APCDD1L: variants seen among roughly 807,000 people sequenced by gnomAD.
APCDD1L encodes the protein APC down-regulated 1 like.
In APCDD1L, 21 loss-of-function variants were observed where a neutral mutation model predicts 24.2. The ratio of observed to expected loss-of-function variants is 0.87; its 90% CI spans 0.61 to 1.25. The LOEUF (loss-of-function observed/expected upper bound fraction) is 1.25. Among genes scored for constraint, APCDD1L ranks in the 50% most tolerant of loss-of-function variants. The pLI is 0.00. For missense variants in APCDD1L, 704 were observed against 711.7 expected (o/e 0.99, Z 0.12); for synonymous variants, 321 against 323.6 (o/e 0.99, Z 0.09).
intron 1 of APCDD1L, among the ~76,000 whole-genome samples, chr20:58,490,935 A>G (rs1010711950): frequency 1.3e-5 from 2 of 152,252 alleles, no homozygotes; most frequent in Non-Finnish European, 2.9e-5. Flanking sequence ...ATAACACATT[A>G]TGTCCATGTT....
chr20:58,464,846 T>G (rs1476700443), intron 3 of APCDD1L, among the ~76,000 whole-genome samples: 2 of 112,252 alleles, frequency 1.8e-5, no homozygotes, highest in East Asian at 2.8e-4. Context: ...TATCTGTCTT[T>G]TCTTTCTTTC....
intron 1 of APCDD1L, among the ~76,000 whole-genome samples, chr20:58,513,335 G>T (rs1600887606): frequency 1.3e-5 from 2 of 152,146 alleles, no homozygotes; most frequent in African/African-American, 4.8e-5. Context: ...TCATGCTGAT[G>T]ATCAACTAAC....
At chr20:58,469,316 T>C (rs1301043684) in intron 2 of APCDD1L, among the ~76,000 whole-genome samples, 2 of 149,398 alleles carry the variant, frequency 1.3e-5, no homozygotes, top group Non-Finnish European at 3.0e-5. Flanking sequence ...TACTTAAAAA[T>C]AGGGAGGGGT....
Position 58,461,146 on chromosome 20 carries a change from C to T in APCDD1L, c.1150G>A (p.Ala384Thr). 6.2e-7 allele frequency: 1 copy of T among 1,612,650 alleles called. No individual in the cohort carries two copies. ...SEPSSCGGAG[A>T]WSMGTERDVT... ...TCCCGCTCAGTGCCCATGGACCAGG[C>T]CCCCGCACCCCCACAGCTGCTTGGC... The change falls in exon 4 of 4, where the codon GCC (alanine) becomes ACC (threonine). Residue 384 changes from alanine (A) to threonine (T), a missense_variant. Physicochemically the swap from Ala to Thr is moderately conservative, Grantham distance 58. Coordinates refer to ENST00000371149, the MANE Select transcript of APCDD1L (RefSeq NM_153360.3). This position sits in a 1 kb window ranked among gnomAD's most constrained non-coding sequence, Gnocchi z 6.0.
chr20:58,484,069 T>C (rs955252138), intron 1 of APCDD1L, among the ~76,000 whole-genome samples: 2 of 152,192 alleles, frequency 1.3e-5, no homozygotes, highest in African/African-American at 4.8e-5. Flanking sequence ...AAAAACATTT[T>C]AGCATCTGTG....
At position 58,514,599 on chromosome 20, in the gene APCDD1L, G is replaced by A. The variant is rs375825294; in HGVS notation, c.49+60C>T. 5.1e-4 allele frequency: 662 copies of A among 1,285,756 alleles called. 4 individuals are homozygous for A. The African/African-American group carries it at 9.5e-3, about 18-fold the overall frequency. The allele number at this position is 1,285,756 out of a possible 1,614,324, so 79.6% of individuals were successfully genotyped here. On this transcript the variant is annotated intron_variant, in intron 1 of 3. Coordinates refer to ENST00000371149, the MANE Select transcript of APCDD1L (RefSeq NM_153360.3). ...CAAGGGCCCTTAGGGGACATTAGAC[G>A]GCGAGCTCCCTCCCTTCCGAGCTCA... is the stretch of plus-strand genomic sequence containing the variant.
At chr20:58,507,634 T>G (rs187316759) in intron 1 of APCDD1L, among the ~76,000 whole-genome samples, 1 of 152,068 alleles carries the variant, frequency 6.6e-6, no homozygotes, top group Non-Finnish European at 1.5e-5. Flanking sequence ...TAATAGCCCA[T>G]GCACCCTTGC....
chr20:58,486,397 T>C (rs1281430142), intron 1 of APCDD1L, among the ~76,000 whole-genome samples: 2 of 151,774 alleles, frequency 1.3e-5, no homozygotes, highest in Non-Finnish European at 2.9e-5. Flanking sequence ...AAAATAGGTG[T>C]AAAGAAATTA....
intron 1 of APCDD1L, 103 bp downstream of exon 1, chr20:58,514,556 A>G: frequency 8.7e-7 from 1 of 1,150,682 alleles, no homozygotes; most frequent in Non-Finnish European, 1.1e-6. Context: ...GCGTGGGCCG[A>G]CCCAGGGCCG....
At chr20:58,465,625 G>T (rs1200936929) in intron 3 of APCDD1L, among the ~76,000 whole-genome samples, 1 of 152,156 alleles carries the variant, frequency 6.6e-6, no homozygotes, top group Non-Finnish European at 1.5e-5. Flanking sequence ...CGCATTGGGT[G>T]CCTTGTACAG....
At position 58,467,685 on chromosome 20, in the gene APCDD1L, G is replaced by A; in HGVS notation, c.189-27C>T. On this transcript the variant is annotated intron_variant, in intron 2 of 3. Coordinates refer to ENST00000371149, the MANE Select transcript of APCDD1L (RefSeq NM_153360.3). The surrounding 1 kb of genome is among the most constrained non-coding windows in gnomAD (Gnocchi z 5.9). Reference sequence around the variant, plus strand: ...TGCAGGGGTGGAAGGAGATGGGCTGGGTGCAGAGGGAACACCGCGCCGCGA... The same window carrying A: ...TGCAGGGGTGGAAGGAGATGGGCTGAGTGCAGAGGGAACACCGCGCCGCGA... 6.9e-7 allele frequency: 1 copy of A among 1,455,110 alleles called. No homozygotes were observed. Among genetic ancestry groups the A allele is most frequent in the Non-Finnish European group, 9.1e-7 (1 of 1,102,490 alleles). The allele number at this position is 1,455,110 out of a possible 1,614,324, so 90.1% of individuals were successfully genotyped here. A position where few individuals can be genotyped will look rare whatever the true frequency, so the allele number is the denominator to read the frequency against.
At chr20:58,492,486 C>T (rs1292474231) in intron 1 of APCDD1L, among the ~76,000 whole-genome samples, 2 of 152,196 alleles carry the variant, frequency 1.3e-5, no homozygotes, top group East Asian at 3.8e-4. Flanking sequence ...CCCAATGAGG[C>T]TATATTCTGT....
chr20:58,475,620 A>T (rs552001495), intron 1 of APCDD1L, among the ~76,000 whole-genome samples: 1 of 152,110 alleles, frequency 6.6e-6, no homozygotes, highest in East Asian at 1.9e-4. Flanking sequence ...CTCAAGGTGA[A>T]CTCGTCACCT....
chr20:58,467,364 C>A lies in APCDD1L; in HGVS notation c.483G>T (p.Arg161=), dbSNP rs991150457. ...GCAGCCAGGCCCGGGCCGGAGGCAG[C>A]CGCCGCGCGCAGTCCCGGCCGGCGC... The part of the protein sequence containing the change: ...QTRAGRDCAR[R]LPPARAWLPG... Residue 161 remains arginine (R), a synonymous_variant, in exon 3 of 4, where the codon CGG becomes CGT. Coordinates refer to ENST00000371149, the MANE Select transcript of APCDD1L (RefSeq NM_153360.3). The surrounding 1 kb of genome is among the most constrained non-coding windows in gnomAD (Gnocchi z 5.9). 17 of 1,469,108 alleles carry A rather than the reference C, an allele frequency of 1.2e-5. No individual in the cohort carries two copies. The highest frequency in any genetic ancestry group is 1.5e-5 in the African/African-American group (1 of 67,280). 91.0% of individuals were successfully genotyped at this position (1,469,108 alleles called of 1,614,324 possible). A position where few individuals can be genotyped will look rare whatever the true frequency, so the allele number is the denominator to read the frequency against.
chr20:58,505,885 G>A (rs1236079999), intron 1 of APCDD1L, among the ~76,000 whole-genome samples: 1 of 152,162 alleles, frequency 6.6e-6, no homozygotes, highest in African/African-American at 2.4e-5. Flanking sequence ...GGGAGAAGAG[G>A]TCCACATGGC....
rs1454677753 is a variant in APCDD1L, at chr20:58,461,431, AC to A, written c.864del (p.Cys289AlafsTer72). On this transcript the variant is annotated frameshift_variant, in exon 4 of 4. Transcript: ENST00000371149. LOFTEE classifies it low-confidence loss of function (END_TRUNC). The surrounding 1 kb of genome is among the most constrained non-coding windows in gnomAD (Gnocchi z 6.0). ...AACAGGACTGCTGGGCGCACCTCGC[AC>A]CCCGAGCTGACCCACCAGCCGCCCA... ...LHLGGWWVSS[G>X]CEVRPAVLFL... 2 of 1,519,232 alleles carry A rather than the reference AC, an allele frequency of 1.3e-6. No homozygotes were observed. The highest frequency in any genetic ancestry group is 2.3e-5 in the East Asian group (1 of 43,416). 94.1% of individuals were successfully genotyped at this position (1,519,232 alleles called of 1,614,324 possible). A position where few individuals can be genotyped will look rare whatever the true frequency, so the allele number is the denominator to read the frequency against.
intron 3 of APCDD1L, among the ~76,000 whole-genome samples, chr20:58,462,843 C>CAAAAA (rs59846654): frequency 3.3e-4 from 38 of 114,236 alleles, no homozygotes; most frequent in Non-Finnish European, 4.8e-4. Flanking sequence ...GACACCATCT[C>CAAAAA]AAAAAAAAAA....
chr20:58,466,040 C>G (rs915240291), intron 3 of APCDD1L, among the ~76,000 whole-genome samples: 1 of 149,664 alleles, frequency 6.7e-6, no homozygotes, highest in Non-Finnish European at 1.5e-5. Context: ...AGGTCCACAC[C>G]CTTGTAGGAG....
rs146143459 is a variant in APCDD1L at position 58,508,462 on chromosome 20, A to T, written c.49+6197T>A. 1.1e-4 allele frequency among the ~76,000 whole-genome samples: 17 copies of T among 152,352 alleles called. No individual in the cohort carries two copies. Among genetic ancestry groups the T allele is most frequent in the African/African-American group, 3.8e-4 (16 of 41,580 alleles). On this transcript the variant is annotated intron_variant, in intron 1 of 3. Coordinates refer to ENST00000371149, the MANE Select transcript of APCDD1L (RefSeq NM_153360.3). This position sits in a 1 kb window ranked among gnomAD's most constrained non-coding sequence, Gnocchi z 4.0. ...CTGATGTGCTTTACATCTTGACAGCATACAAGGCTTTTAAATCTCAAAATG... is the reference window on the plus strand; with the variant it reads ...CTGATGTGCTTTACATCTTGACAGCTTACAAGGCTTTTAAATCTCAAAATG...
Sources: allele counts gnomAD v4.1 joint callset (sites outside exome capture counted in the v4.1 genomes callset), GRCh38; gene constraint gnomAD v4.1.1; non-coding constraint Gnocchi (gnomAD v3.1); transcripts MANE v1.5; gene names NCBI Gene and HGNC (gene_info 2026-07-23, HGNC 2026-07-21).